MAGI2: variants seen among roughly 807,000 people sequenced by gnomAD.
MAGI2 encodes the protein membrane associated guanylate kinase, WW and PDZ domain containing 2, also known as membrane-associated guanylate kinase, WW and PDZ domain-containing protein 2.
In MAGI2, 35 loss-of-function variants were observed where a neutral mutation model predicts 133.3. The observed-to-expected ratio is 0.26, with a 90% CI of 0.20 to 0.35. MAGI2 has a LOEUF of 0.35. MAGI2 is among the 10% of genes least tolerant of loss of function. MAGI2 has a pLI of 1.00. For synonymous variants in MAGI2, 729 were observed against 710.6 expected (o/e 1.03, Z -0.41); for missense variants, 1,636 against 1,863.4 (o/e 0.88, Z 2.25).
At chr7:78,147,220 T>A (rs941015792) in intron 16 of MAGI2, among the ~76,000 whole-genome samples, 7 of 152,180 alleles carry the variant, frequency 4.6e-5, no homozygotes, top group African/African-American at 7.2e-5. Flanking sequence ...AGCGAAGTGT[T>A]CAGGAGCTAG....
chr7:79,097,433 G>T (rs1222973597), intron 1 of MAGI2, among the ~76,000 whole-genome samples: 1 of 152,186 alleles, frequency 6.6e-6, no homozygotes, highest in Non-Finnish European at 1.5e-5. Context: ...GTTATGTTGA[G>T]ATGTGGATCA....
At chr7:78,636,257 C>G (rs993253594) in intron 2 of MAGI2, among the ~76,000 whole-genome samples, 2 of 151,328 alleles carry the variant, frequency 1.3e-5, no homozygotes, top group African/African-American at 4.9e-5. Context: ...GTAATTATTT[C>G]AAAACTCTCT....
chr7:78,826,592 A>T (rs516924), intron 2 of MAGI2, among the ~76,000 whole-genome samples: 6,355 of 152,258 alleles, frequency 0.042, 179 homozygotes, highest in Non-Finnish European at 0.065. Context: ...GATACATGAC[A>T]ATATGCATTT....
chr7:79,063,353 G>A (rs757261188), intron 1 of MAGI2, among the ~76,000 whole-genome samples: 1 of 152,100 alleles, frequency 6.6e-6, no homozygotes, highest in Non-Finnish European at 1.5e-5. Context: ...CATCAAAGCT[G>A]CATAGCTTCT....
At chr7:78,363,258 C>G (rs1793016122) in intron 7 of MAGI2, among the ~76,000 whole-genome samples, 1 of 152,162 alleles carries the variant, frequency 6.6e-6, no homozygotes, top group Non-Finnish European at 1.5e-5. Flanking sequence ...CTTTGCGAGG[C>G]CGAGGTGGGC....
In MAGI2 at chr7:78,536,122, T is replaced by TTC. The variant is rs1462090015; in HGVS notation, c.539-14478_539-14477insGA. 2.8e-4 allele frequency among the ~76,000 whole-genome samples: 35 copies of TTC among 123,594 alleles called. 1 individual carries two copies. Among genetic ancestry groups the TTC allele is most frequent in the Non-Finnish European group, 5.5e-4 (32 of 58,246 alleles). The allele number at this position is 123,594 out of a possible 152,430, so 81.1% of individuals were successfully genotyped here. On this transcript the variant is annotated intron_variant, in intron 3 of 21. Transcript: ENST00000354212. ...ATTAAACTTTTTTTTTTTTTTTTTTTTTTTTTTTGAGACGGAGTCTCGCTC... is the reference window on the plus strand; with the variant it reads ...ATTAAACTTTTTTTTTTTTTTTTTTTTCTTTTTTTTGAGACGGAGTCTCGCTC...
chr7:78,599,161 A>C (rs1454703830), intron 3 of MAGI2, among the ~76,000 whole-genome samples: 3 of 152,180 alleles, frequency 2.0e-5, no homozygotes, highest in African/African-American at 7.2e-5. Context: ...AATTTTTAGA[A>C]ATTAACGAAT....
chr7:78,417,434 C>T (rs1280149956), intron 6 of MAGI2, among the ~76,000 whole-genome samples: 1 of 152,058 alleles, frequency 6.6e-6, no homozygotes, highest in African/African-American at 2.4e-5. Context: ...CTGCCTTTAT[C>T]CCTGTCACCA....
intron 2 of MAGI2, among the ~76,000 whole-genome samples, chr7:78,979,736 A>G (rs773400946): frequency 6.6e-6 from 1 of 151,780 alleles, no homozygotes; most frequent in Non-Finnish European, 1.5e-5. Context: ...CCATCCCATA[A>G]TCCTAGAGCA....
intron 2 of MAGI2, among the ~76,000 whole-genome samples, chr7:78,707,136 T>A (rs979048700): frequency 9.9e-5 from 15 of 152,084 alleles, no homozygotes; most frequent in Admixed American, 2.6e-4. Flanking sequence ...ATTAGGGGAA[T>A]AGGAACCTAA....
chr7:78,459,715 C>T (rs1043062187), intron 6 of MAGI2, among the ~76,000 whole-genome samples: 1 of 152,190 alleles, frequency 6.6e-6, no homozygotes, highest in African/African-American at 2.4e-5. Flanking sequence ...TGTATGCAAT[C>T]ATTTTAAATC....
chr7:78,908,417 T>C (rs1798142024), intron 2 of MAGI2, among the ~76,000 whole-genome samples: 1 of 152,194 alleles, frequency 6.6e-6, no homozygotes, highest in Non-Finnish European at 1.5e-5. Context: ...TCTGGGGAGT[T>C]GGCCAGACAG....
At chr7:78,209,308 C>A (rs540381665) in intron 10 of MAGI2, among the ~76,000 whole-genome samples, 20 of 129,380 alleles carry the variant, frequency 1.5e-4, no homozygotes, top group African/African-American at 3.7e-4. Context: ...GTTGCCCAGG[C>A]TGGAGAGCAG....
intron 1 of MAGI2, among the ~76,000 whole-genome samples, chr7:79,105,702 A>G (rs1818393399): frequency 6.6e-6 from 1 of 152,182 alleles, no homozygotes; most frequent in Non-Finnish European, 1.5e-5. Context: ...TTCATATATA[A>G]TGCAACAAAC....
chr7:78,751,498 C>T (rs2151278958), intron 2 of MAGI2, among the ~76,000 whole-genome samples: 1 of 152,332 alleles, frequency 6.6e-6, no homozygotes, highest in Non-Finnish European at 1.5e-5. Flanking sequence ...ATTTAGATTA[C>T]TTTATTCATT....
At chr7:78,787,418 C>G (rs183484566) in intron 2 of MAGI2, among the ~76,000 whole-genome samples, 22 of 152,176 alleles carry the variant, frequency 1.4e-4, no homozygotes, top group African/African-American at 5.3e-4. Flanking sequence ...TCTCAGGGTA[C>G]ACATGAGAAA....
intron 1 of MAGI2, among the ~76,000 whole-genome samples, chr7:79,331,300 T>TTA (rs983578293): frequency 6.6e-6 from 1 of 152,088 alleles, no homozygotes; most frequent in Non-Finnish European, 1.5e-5. Flanking sequence ...GTAAAAATAA[T>TTA]TATATATATT....
At chr7:78,741,258 A>G (rs1056043997) in intron 2 of MAGI2, among the ~76,000 whole-genome samples, 29 of 151,994 alleles carry the variant, frequency 1.9e-4, no homozygotes, top group African/African-American at 6.3e-4. Context: ...TAAATACTAG[A>G]AAGAACGTAA....
chr7:78,097,379 C>T (rs1178172793), intron 20 of MAGI2, among the ~76,000 whole-genome samples: 1 of 152,164 alleles, frequency 6.6e-6, no homozygotes, highest in Non-Finnish European at 1.5e-5. Flanking sequence ...GACATCGTAG[C>T]ACTATTTACA....
Sources: gnomAD v4.1 joint callset for allele counts (sites outside exome capture counted in the v4.1 genomes callset) on GRCh38, gnomAD v4.1.1 for gene constraint, MANE v1.5 for transcripts, NCBI Gene and HGNC (gene_info 2026-07-23, HGNC 2026-07-21) for gene names.